Variants in WDFY2 observed in about 807,000 individuals in gnomAD.
WDFY2 encodes WD repeat and FYVE domain-containing protein 2.
Under a neutral mutation model 56.4 loss-of-function variants are expected in WDFY2, and 36 were observed. The observed-to-expected ratio is 0.64, with a 90% CI of 0.49 to 0.84. The LOEUF is 0.84. Ranked by LOEUF, WDFY2 falls within the 40% of genes least tolerant of loss-of-function variation. The probability of loss-of-function intolerance (pLI) is 0.00; values close to 1 mark genes in which losing one functional copy is unlikely to be tolerated. For synonymous variants in WDFY2, 176 were observed against 183.7 expected (o/e 0.96, Z 0.34); for missense variants, 444 against 512.2 (o/e 0.87, Z 1.29).
intron 1 of WDFY2, among the ~76,000 whole-genome samples, chr13:51,639,866 C>G (rs1482457908): frequency 1.3e-5 from 2 of 152,206 alleles, no homozygotes; most frequent in Non-Finnish European, 2.9e-5. Flanking sequence ...TGTCTCCTTT[C>G]TCATTGACAT....
At chr13:51,725,676 A>G (rs187311260) in intron 5 of WDFY2, among the ~76,000 whole-genome samples, 20 of 151,284 alleles carry the variant, frequency 1.3e-4, no homozygotes, top group East Asian at 7.8e-4. Context: ...GTGTGTGTGT[A>G]TATATCTATA....
Position 51,708,086 on chromosome 13 carries a change from C to T in WDFY2, c.334+4436C>T, listed in dbSNP as rs1409742216. On this transcript the variant is annotated intron_variant, in intron 4 of 11. Coordinates refer to ENST00000298125, the MANE Select transcript of WDFY2 (RefSeq NM_052950.4). ...TCAGCCTCCCAACTAGCTGGGATTA[C>T]AGGCACCCGCCACCACACCCAGCTA... Among the ~76,000 whole-genome samples the T allele has an allele frequency of 2.0e-5, 3 of 150,862 alleles. No individual in the cohort carries two copies. The East Asian group carries it at 5.9e-4, about 29-fold the overall frequency.
intron 1 of WDFY2, among the ~76,000 whole-genome samples, chr13:51,619,434 A>T (rs369602363): frequency 2.1e-5 from 1 of 47,092 alleles, no homozygotes; most frequent in South Asian, 8.9e-4. Context: ...CACTATCTCC[A>T]AAAAAAAAAA....
Position 51,764,323 on chromosome 13 carries a change from C to T in WDFY2, c.*4554C>T, listed in dbSNP as rs967980726. On this transcript the variant is annotated 3_prime_UTR_variant, in exon 12 of 12. Transcript: ENST00000298125. ...ATGATAGAGGCATGCCAGGGTGCCA[C>T]TAACCCAGCAGGTGTGGCAGGAGGG... The T allele has an allele frequency of 6.6e-6, 1 of 152,390 alleles. No homozygotes were observed. Among genetic ancestry groups the T allele is most frequent in the Non-Finnish European group, 1.5e-5 (1 of 68,180 alleles). 9.4% of individuals were successfully genotyped at this position (152,390 alleles called of 1,614,324 possible).
At position 51,762,614 on chromosome 13, in the gene WDFY2, A is replaced by C. The variant is rs1189021521; in HGVS notation, c.*2845A>C. The C allele has an allele frequency of 6.6e-6, 1 of 152,222 alleles. No individual in the cohort carries two copies. Among genetic ancestry groups the C allele is most frequent in the Non-Finnish European group, 1.5e-5 (1 of 68,044 alleles). 9.4% of individuals were successfully genotyped at this position (152,222 alleles called of 1,614,324 possible). A position where few individuals can be genotyped will look rare whatever the true frequency, so the allele number is the denominator to read the frequency against. ...TATGTGCTGGTGTTGGGTGTCTTCC[A>C]AGCATTTTATGGAAATGGAGGCTCC... On this transcript the variant is annotated 3_prime_UTR_variant, in exon 12 of 12. Coordinates refer to ENST00000298125, the MANE Select transcript of WDFY2 (RefSeq NM_052950.4).
At chr13:51,694,778 T>C (rs1268433010) in intron 3 of WDFY2, among the ~76,000 whole-genome samples, 1 of 152,240 alleles carries the variant, frequency 6.6e-6, no homozygotes, top group Non-Finnish European at 1.5e-5. Context: ...GCAGAGTGTT[T>C]TCCAACTTGG....
intron 1 of WDFY2, among the ~76,000 whole-genome samples, chr13:51,596,846 A>G (rs758194769): frequency 1.2e-4 from 18 of 152,228 alleles, no homozygotes; most frequent in Non-Finnish European, 2.6e-4. Flanking sequence ...TTGCAGCTGT[A>G]CACCACGTGA....
chr13:51,626,820 T>A (rs1429319918), intron 1 of WDFY2, among the ~76,000 whole-genome samples: 1 of 151,630 alleles, frequency 6.6e-6, no homozygotes, highest in African/African-American at 2.4e-5. Context: ...GGAACCTCTG[T>A]GGCCAGTGGT....
intron 1 of WDFY2, among the ~76,000 whole-genome samples, chr13:51,619,169 G>A (rs1954679051): frequency 6.6e-6 from 1 of 152,096 alleles, no homozygotes. Flanking sequence ...TAAAGAACTC[G>A]AGGCTGCATG....
intron 1 of WDFY2, among the ~76,000 whole-genome samples, chr13:51,596,414 A>G (rs963131984): frequency 6.6e-6 from 1 of 152,252 alleles, no homozygotes; most frequent in African/African-American, 2.4e-5. Flanking sequence ...CACATCAGAT[A>G]TGCAAAATAT....
intron 8 of WDFY2, among the ~76,000 whole-genome samples, chr13:51,754,666 T>G (rs1402832740): frequency 6.6e-6 from 1 of 152,234 alleles, no homozygotes; most frequent in East Asian, 1.9e-4. Flanking sequence ...TTGTATCATC[T>G]GCCATTTTCT....
At chr13:51,711,977 A>G (rs1952229120) in intron 4 of WDFY2, among the ~76,000 whole-genome samples, 1 of 152,274 alleles carries the variant, frequency 6.6e-6, no homozygotes, top group South Asian at 2.1e-4. Flanking sequence ...CCTGCTATAA[A>G]GACACATGTA....
At chr13:51,687,990 A>G in intron 3 of WDFY2, among the ~76,000 whole-genome samples, 1 of 152,160 alleles carries the variant, frequency 6.6e-6, no homozygotes, top group South Asian at 2.1e-4. Flanking sequence ...TCAAAGATAA[A>G]CGTAGTTTAC....
At chr13:51,636,701 C>T (rs1277887247) in intron 1 of WDFY2, among the ~76,000 whole-genome samples, 1 of 152,158 alleles carries the variant, frequency 6.6e-6, no homozygotes, top group Non-Finnish European at 1.5e-5. Flanking sequence ...GTCTTTGGAT[C>T]ATGATCCATC....
At chr13:51,653,025 G>A (rs998542146) in intron 1 of WDFY2, among the ~76,000 whole-genome samples, 6 of 152,114 alleles carry the variant, frequency 3.9e-5, no homozygotes, top group South Asian at 2.1e-4. Flanking sequence ...CATTCTCCCC[G>A]TCACTTTCAG....
intron 1 of WDFY2, among the ~76,000 whole-genome samples, chr13:51,641,217 C>T (rs1010046614): frequency 1.3e-5 from 2 of 151,864 alleles, no homozygotes; most frequent in African/African-American, 4.8e-5. Flanking sequence ...GGATTATAGG[C>T]GCCTGCTGCG....
In WDFY2 at chr13:51,711,586, A is replaced by G. The variant is rs545770336; in HGVS notation, c.335-7612A>G. ...AGAATCTACAAAGAACTTAAACAAA[A>G]TTTACAAGAAAAAATCAAACAACCC... is the stretch of plus-strand genomic sequence containing the variant. On this transcript the variant is annotated intron_variant, in intron 4 of 11. Coordinates refer to ENST00000298125, the MANE Select transcript of WDFY2 (RefSeq NM_052950.4). 5.1e-4 allele frequency among the ~76,000 whole-genome samples: 77 copies of G among 152,280 alleles called. 1 individual carries two copies. The highest frequency in any genetic ancestry group is 4.8e-3 in the Admixed American group (74 of 15,288).
chr13:51,680,568 C>T (rs1039855122), intron 3 of WDFY2, among the ~76,000 whole-genome samples: 1 of 152,164 alleles, frequency 6.6e-6, no homozygotes. Flanking sequence ...TAACTCAGTA[C>T]ATCTGGTAAT....
chr13:51,627,432 G>T (rs979652663), intron 1 of WDFY2, among the ~76,000 whole-genome samples: 1 of 152,004 alleles, frequency 6.6e-6, no homozygotes, highest in East Asian at 1.9e-4. Context: ...GCAGTGGCAT[G>T]ATCTTGGCTC....
Sources: allele counts gnomAD v4.1 joint callset (sites outside exome capture counted in the v4.1 genomes callset), GRCh38; gene constraint gnomAD v4.1.1; transcripts MANE v1.5; gene names NCBI Gene and HGNC (gene_info 2026-07-23, HGNC 2026-07-21).